RHEX: variants seen among roughly 807,000 people sequenced by gnomAD.
RHEX encodes regulator of hemoglobinization and erythroid cell expansion protein.
A neutral mutation model predicts 20.1 loss-of-function variants in RHEX; 18 were observed. That is an observed-to-expected ratio of 0.90 (90% CI 0.62 to 1.33). The LOEUF (loss-of-function observed/expected upper bound fraction) is 1.33, where lower values mean the gene tolerates loss of function less well. RHEX is among the 40% of genes most tolerant of loss of function. RHEX has a pLI of 0.00. For synonymous variants in RHEX, 87 were observed against 77.1 expected (o/e 1.13, Z -0.67); for missense variants, 192 against 214.3 (o/e 0.90, Z 0.65).
intron 1 of RHEX, among the ~76,000 whole-genome samples, chr1:206,095,614 C>T (rs199845498): frequency 2.0e-5 from 3 of 152,120 alleles, no homozygotes; most frequent in East Asian, 3.9e-4. Flanking sequence ...GTTGGGAGTT[C>T]GAGACCAGCC....
intron 1 of RHEX, among the ~76,000 whole-genome samples, chr1:206,092,959 T>C (rs1421041281): frequency 6.6e-6 from 1 of 152,232 alleles, no homozygotes; most frequent in African/African-American, 2.4e-5. Context: ...AGCAGGATGC[T>C]CAGGGCTGAA....
chr1:206,070,511 G>A (rs1662505601), intron 1 of RHEX, among the ~76,000 whole-genome samples: 1 of 152,124 alleles, frequency 6.6e-6, no homozygotes, highest in Admixed American at 6.6e-5. Context: ...GCAGGGTCTT[G>A]GAACATGAAA....
chr1:206,068,986 C>T (rs1266548762), intron 1 of RHEX, among the ~76,000 whole-genome samples: 5 of 152,218 alleles, frequency 3.3e-5, no homozygotes, highest in Non-Finnish European at 5.9e-5. Context: ...AGAGTAGCCA[C>T]TAGACTTTTA....
At chr1:206,075,071 C>T (rs1662605984) in intron 1 of RHEX, among the ~76,000 whole-genome samples, 1 of 152,138 alleles carries the variant, frequency 6.6e-6, no homozygotes, top group African/African-American at 2.4e-5. Context: ...GTCCAGAAGG[C>T]CTGCCAAATA....
At chr1:206,095,067 G>A (rs187610580) in intron 1 of RHEX, among the ~76,000 whole-genome samples, 26 of 152,092 alleles carry the variant, frequency 1.7e-4, no homozygotes, top group South Asian at 1.3e-3. Flanking sequence ...ACAACCTGCC[G>A]TCTGCAAGAC....
chr1:206,063,653 C>G (rs575127115), intron 1 of RHEX, among the ~76,000 whole-genome samples: 3 of 152,266 alleles, frequency 2.0e-5, no homozygotes, highest in Non-Finnish European at 4.4e-5. Context: ...CTCGGCCTCC[C>G]GAGGTGCCGG....
intron 1 of RHEX, among the ~76,000 whole-genome samples, chr1:206,070,290 G>C (rs782270080): frequency 6.6e-6 from 1 of 152,120 alleles, no homozygotes; most frequent in Non-Finnish European, 1.5e-5. Context: ...TATATCCACG[G>C]CTTCTCTCAG....
chr1:206,093,048 C>T (rs1304441258), intron 1 of RHEX, among the ~76,000 whole-genome samples: 10 of 152,130 alleles, frequency 6.6e-5, no homozygotes, highest in Admixed American at 2.6e-4. Context: ...AAAGTCACAC[C>T]GTTAGCAAGT....
At position 206,064,049 on chromosome 1, in the gene RHEX, G is replaced by A. The variant is rs1190991279; in HGVS notation, c.-97+10784G>A. On this transcript the variant is annotated intron_variant, in intron 1 of 5. Coordinates refer to ENST00000331555, the MANE Select transcript of RHEX (RefSeq NM_001007544.4). ...GGGAGCGCCTTTGCCCCGCCGCCCC[G>A]TCTGGGATGTGAGGAGCGCCTCTGC... Among the ~76,000 whole-genome samples the A allele has an allele frequency of 1.2e-4, 18 of 145,630 alleles. 1 individual carries two copies. The South Asian group carries it at 1.8e-3, about 14-fold the overall frequency.
At chr1:206,053,971 C>A (rs1299072436) in intron 1 of RHEX, among the ~76,000 whole-genome samples, 2 of 151,964 alleles carry the variant, frequency 1.3e-5, no homozygotes, top group Non-Finnish European at 2.9e-5. Flanking sequence ...AATTGAAATC[C>A]CAAACTTACA....
chr1:206,066,687 A>C (rs981877478), intron 1 of RHEX, among the ~76,000 whole-genome samples: 4 of 152,232 alleles, frequency 2.6e-5, no homozygotes. Context: ...CAGACACTTC[A>C]GAGACAGAAG....
At chr1:206,094,378 C>T (rs1306823333) in intron 1 of RHEX, among the ~76,000 whole-genome samples, 1 of 152,110 alleles carries the variant, frequency 6.6e-6, no homozygotes, top group South Asian at 2.1e-4. Flanking sequence ...AAACAAATGC[C>T]TAAGTTTTCT....
chr1:206,063,625 C>T (rs1039013486), intron 1 of RHEX, among the ~76,000 whole-genome samples: 1 of 152,280 alleles, frequency 6.6e-6, no homozygotes. Context: ...AGCTCCTAAC[C>T]GTGAGTCATC....
intron 1 of RHEX, among the ~76,000 whole-genome samples, chr1:206,064,685 C>T (rs1662387497): frequency 6.6e-6 from 1 of 150,554 alleles, no homozygotes; most frequent in Admixed American, 6.6e-5. Flanking sequence ...GCCAGCCGCC[C>T]CATCCGGGAG....
intron 1 of RHEX, among the ~76,000 whole-genome samples, chr1:206,085,968 AGAATCC>A (rs1553286375): frequency 6.6e-6 from 1 of 152,208 alleles, no homozygotes; most frequent in Non-Finnish European, 1.5e-5. Flanking sequence ...AGAGCCAAAG[AGAATCC>A]AGGAAAGATT....
intron 1 of RHEX, chr1:206,056,277 ACT>A (rs1553282615): frequency 6.6e-6 from 1 of 152,502 alleles, no homozygotes; most frequent in Non-Finnish European, 1.5e-5. Context: ...CTGCAAAGTG[ACT>A]CTGAAGAAGA....
chr1:206,073,260 G>A (rs1287558314), intron 1 of RHEX, among the ~76,000 whole-genome samples: 10 of 152,028 alleles, frequency 6.6e-5, no homozygotes, highest in Non-Finnish European at 1.5e-4. Context: ...AAGGCTTCAG[G>A]TGCCATTTGC....
chr1:206,078,917 T>G lies in RHEX; in HGVS notation c.-96-18816T>G, dbSNP rs763406409. Among the ~76,000 whole-genome samples the G allele has an allele frequency of 2.0e-5, 3 of 152,138 alleles. No individual in the cohort carries two copies. In the East Asian group the frequency reaches 5.8e-4, roughly 29 times the overall value. On this transcript the variant is annotated intron_variant, in intron 1 of 5. Transcript: ENST00000331555. ...TTGACTGTGCAAAAAGTCATTTAGC[T>G]GGGGGGATGCAAAAGGTAAACAAAT...
chr1:206,064,881 T>C (rs1553284001), intron 1 of RHEX, among the ~76,000 whole-genome samples: 1 of 147,936 alleles, frequency 6.8e-6, no homozygotes, highest in East Asian at 1.9e-4. Context: ...GGTTGCCGTG[T>C]CTGTGTAGAA....
Sources: gnomAD v4.1 joint callset for allele counts (sites outside exome capture counted in the v4.1 genomes callset) on GRCh38, gnomAD v4.1.1 for gene constraint, MANE v1.5 for transcripts, NCBI Gene and HGNC (gene_info 2026-07-23, HGNC 2026-07-21) for gene names.